The following MYOF variants were observed in gnomAD, a reference collection of about 807,000 sequenced individuals.
MYOF encodes myoferlin.
In MYOF, 244 loss-of-function variants were observed where a neutral mutation model predicts 284.2. The ratio of observed to expected loss-of-function variants is 0.86; its 90% CI spans 0.77 to 0.95. The LOEUF (loss-of-function observed/expected upper bound fraction) is 0.95, where lower values mean the gene tolerates loss of function less well. Ranked by LOEUF, MYOF falls within the 40% of genes least tolerant of loss-of-function variation. MYOF has a pLI of 0.00. For missense variants in MYOF, 2,496 were observed against 2,560.6 expected, an observed-to-expected ratio of 0.97 and a Z score of 0.54; for synonymous variants, 904 against 919.7, an observed-to-expected ratio of 0.98 and a Z score of 0.31.
chr10:93,366,800 T>C (rs1028984748), intron 25 of MYOF, among the ~76,000 whole-genome samples: 1 of 152,226 alleles, frequency 6.6e-6, no homozygotes, highest in Non-Finnish European at 1.5e-5. Flanking sequence ...ACCTCTCCTA[T>C]AGAGTCATTC....
chr10:93,438,896 A>T (rs889080461), intron 3 of MYOF, among the ~76,000 whole-genome samples: 1 of 151,970 alleles, frequency 6.6e-6, no homozygotes, highest in African/African-American at 2.4e-5. Context: ...TCCGCTCCTG[A>T]CTCCAGGCCA....
chr10:93,372,312 G>C (rs112039127), intron 24 of MYOF, among the ~76,000 whole-genome samples: 19 of 152,196 alleles, frequency 1.2e-4, no homozygotes, highest in African/African-American at 3.9e-4. Context: ...TTCTTAATAC[G>C]GGGCCCTGGA....
Position 93,482,138 on chromosome 10 carries a change from C to T in MYOF, c.57G>A (p.Lys19=), listed in dbSNP as rs1241128259. 3.7e-6 allele frequency: 6 copies of T among 1,614,034 alleles called. No homozygotes were observed. The highest frequency in any genetic ancestry group is 1.6e-4 in the Middle Eastern group (1 of 6,084). The change falls in exon 1 of 54, where the codon AAG becomes AAA. Residue 19 remains lysine, a synonymous_variant. Coordinates refer to ENST00000359263, the MANE Select transcript of MYOF (RefSeq NM_013451.4). ...ASNIPKTKFG[K]PDPIVSVIFK... ...AAATGACAGAAACAATAGGATCCGG[C>T]TTGCCAAATTTCGTTTTAGGGATAT...
intron 3 of MYOF, among the ~76,000 whole-genome samples, chr10:93,449,946 C>T (rs1409662930): frequency 1.3e-5 from 2 of 151,996 alleles, no homozygotes; most frequent in African/African-American, 4.8e-5. Flanking sequence ...ATTTTGATGC[C>T]GGTAAGCAGA....
chr10:93,408,840 C>T lies in MYOF; in HGVS notation c.676G>A (p.Gly226Ser). Residue 226 changes from glycine (G) to serine (S), a missense_variant, in exon 7 of 54, where the codon GGC becomes AGC. Transcript: ENST00000359263. ...TTGATTCTTGTTCGGTGTGTCTGGC[C>T]ACAGACGTGAACTTTGACCACAGGC... ...IRPVVKVHVC[G>S]QTHRTRIKRG... 6.2e-7 allele frequency: 1 copy of T among 1,614,172 alleles called. No individual in the cohort carries two copies. Among genetic ancestry groups the T allele is most frequent in the African/African-American group, 1.3e-5 (1 of 75,030 alleles).
intron 38 of MYOF, 125 bp from the exon 39 acceptor site, chr10:93,340,289 T>C: frequency 4.4e-6 from 4 of 907,026 alleles, no homozygotes; most frequent in Non-Finnish European, 6.9e-6. Flanking sequence ...GCATGCCTTA[T>C]ATTATCAACA....
chr10:93,461,067 C>T (rs940936968), intron 1 of MYOF, among the ~76,000 whole-genome samples: 26 of 149,912 alleles, frequency 1.7e-4, no homozygotes, highest in African/African-American at 6.4e-4. Context: ...TGCACTCCAG[C>T]CTGGCAACAA....
chr10:93,350,522 G>A (rs761359459), intron 35 of MYOF, among the ~76,000 whole-genome samples: 37 of 151,966 alleles, frequency 2.4e-4, no homozygotes, highest in Non-Finnish European at 4.6e-4. Context: ...CATGTTGACC[G>A]GGTTGGCCTC....
intron 1 of MYOF, among the ~76,000 whole-genome samples, chr10:93,458,266 T>A (rs2056791548): frequency 6.6e-6 from 1 of 151,924 alleles, no homozygotes. Context: ...GGTGGGAGGA[T>A]CCCTTGAGCC....
chr10:93,365,213 G>A (rs1303028174), intron 26 of MYOF, among the ~76,000 whole-genome samples: 1 of 152,182 alleles, frequency 6.6e-6, no homozygotes, highest in East Asian at 1.9e-4. Flanking sequence ...TACAGGAAAT[G>A]AACAACAGAG....
At chr10:93,373,595 A>G (rs556592144) in intron 23 of MYOF, among the ~76,000 whole-genome samples, 2 of 133,630 alleles carry the variant, frequency 1.5e-5, no homozygotes, top group Admixed American at 1.5e-4. Context: ...ACACAGTGGT[A>G]TAAAAAAACT....
rs761620253 is a variant in MYOF at position 93,394,440 on chromosome 10, CATCTT to C, written c.1418-1490_1418-1486del. Among the ~76,000 whole-genome samples the C allele has an allele frequency of 2.5e-3, 238 of 94,836 alleles. 1 individual carries two copies. The highest frequency in any genetic ancestry group is 5.6e-3 in the African/African-American group (177 of 31,888). The allele number at this position is 94,836 out of a possible 152,430, so 62.2% of individuals were successfully genotyped here. ...ATTGTACTATATCTCCTTTGGTCACCATCTTGTCTTTTTTTTTTTTTTTTTTTTTT... is the reference window on the plus strand; with the variant it reads ...ATTGTACTATATCTCCTTTGGTCACCGTCTTTTTTTTTTTTTTTTTTTTTT... On this transcript the variant is annotated intron_variant, in intron 16 of 53. Transcript: ENST00000359263.
At chr10:93,378,698 T>TATATATATATATATATATAC (rs1845969497) in intron 21 of MYOF, among the ~76,000 whole-genome samples, 2 of 113,604 alleles carry the variant, frequency 1.8e-5, no homozygotes, top group Admixed American at 1.9e-4. Context: ...TGTGTGTATA[T>TATATATATATATATATATAC]ATATATATAT....
At chr10:93,378,447 T>C (rs939418144) in intron 21 of MYOF, among the ~76,000 whole-genome samples, 2 of 152,088 alleles carry the variant, frequency 1.3e-5, no homozygotes, top group African/African-American at 4.8e-5. Flanking sequence ...AATTTAAACC[T>C]ATAGTTATCC....
chr10:93,474,859 G>A (rs2057225714), intron 1 of MYOF, among the ~76,000 whole-genome samples: 1 of 151,528 alleles, frequency 6.6e-6, no homozygotes, highest in South Asian at 2.1e-4. Flanking sequence ...CAATTCTCCT[G>A]CCTCAGCCTC....
chr10:93,480,367 T>G (rs1309172744), intron 1 of MYOF, among the ~76,000 whole-genome samples: 1 of 150,986 alleles, frequency 6.6e-6, no homozygotes, highest in Non-Finnish European at 1.5e-5. Context: ...CTGGGCAACA[T>G]AGCAAGACCC....
chr10:93,384,660 AAAG>A (rs796310407), intron 19 of MYOF, among the ~76,000 whole-genome samples: 42 of 150,166 alleles, frequency 2.8e-4, no homozygotes, highest in African/African-American at 8.8e-4. Context: ...AAAAAAAAAA[AAAG>A]AAGAATGTAA....
At chr10:93,445,653 C>A (rs788099) in intron 3 of MYOF, among the ~76,000 whole-genome samples, 56,112 of 152,140 alleles carry the variant, frequency 0.37, 12,413 homozygotes, top group Non-Finnish European at 0.49. Flanking sequence ...TGCCCACAGG[C>A]GCTGTGAGCC....
At chr10:93,332,853 A>G (rs1211025326) in intron 43 of MYOF, among the ~76,000 whole-genome samples, 1 of 152,104 alleles carries the variant, frequency 6.6e-6, no homozygotes, top group African/African-American at 2.4e-5. Flanking sequence ...TTAAAAAAAA[A>G]TAAAATAGGA....
Sources: gnomAD v4.1 joint callset for allele counts (sites outside exome capture counted in the v4.1 genomes callset) on GRCh38, gnomAD v4.1.1 for gene constraint, MANE v1.5 for transcripts, NCBI Gene and HGNC (gene_info 2026-07-23, HGNC 2026-07-21) for gene names.